The following DERL3 variants were observed in gnomAD, a reference collection of about 807,000 sequenced individuals.
The protein encoded by DERL3 is derlin 3.
A neutral mutation model predicts 23.8 loss-of-function variants in DERL3; 20 were observed. The observed-to-expected ratio is 0.84, with a 90% CI of 0.59 to 1.22. DERL3 has a LOEUF of 1.22. Among genes scored for constraint, DERL3 ranks in the 50% most tolerant of loss-of-function variants. DERL3 has a pLI of 0.00. For synonymous variants in DERL3, 145 were observed against 132.5 expected, an observed-to-expected ratio of 1.09 and a Z score of -0.65; for missense variants, 319 against 304.1, an observed-to-expected ratio of 1.05 and a Z score of -0.36.
At position 23,834,652 on chromosome 22, in the gene DERL3, CCA is replaced by C; in HGVS notation, c.*2215_*2216del. The C allele has an allele frequency of 1.1e-6, 1 of 936,866 alleles. No individual in the cohort carries two copies. Among genetic ancestry groups the C allele is most frequent in the Non-Finnish European group, 1.6e-6 (1 of 625,168 alleles). The allele number at this position is 936,866 out of a possible 1,614,324, so 58.0% of individuals were successfully genotyped here. A position where few individuals can be genotyped will look rare whatever the true frequency, so the allele number is the denominator to read the frequency against. On this transcript the variant is annotated 3_prime_UTR_variant, in exon 7 of 7. Coordinates refer to ENST00000318109, the MANE Select transcript of DERL3 (RefSeq NM_001002862.3). ...CCTCACCCTCCTCTGCCTCAGATTC[CCA>C]AGTGGGCAGGTGGGGGTGAATGGGG...
chr22:23,834,733 G>T lies in DERL3; in HGVS notation c.*2136C>A. The T allele has an allele frequency of 6.8e-7, 1 of 1,470,616 alleles. No homozygotes were observed. Among genetic ancestry groups the T allele is most frequent in the South Asian group, 1.3e-5 (1 of 74,130 alleles). 91.1% of individuals were successfully genotyped at this position (1,470,616 alleles called of 1,614,324 possible). A position where few individuals can be genotyped will look rare whatever the true frequency, so the allele number is the denominator to read the frequency against. ...CTCCCCTCAGCCTGTTCTCCTTCCA[G>T]ACCCAGAGAGCTGAGAAGAGTAGCT... On this transcript the variant is annotated 3_prime_UTR_variant, in exon 7 of 7. Transcript: ENST00000318109.
rs1239596938 is a variant in DERL3 at position 23,838,947 on chromosome 22, G to A, written c.41C>T (p.Pro14Leu). Residue 14 changes from proline (P) to leucine (L), a missense_variant, in exon 1 of 7, where the codon CCG becomes CTG. By Grantham distance (98) the Pro-to-Leu change is moderately conservative. Coordinates refer to ENST00000318109, the MANE Select transcript of DERL3 (RefSeq NM_001002862.3). Reference sequence around the variant, plus strand: ...TGCGGTGTAAGCCCGCGTCACCGCCGGCACCTGCAGGAACTCGGCCGCTAG... The same window carrying A: ...TGCGGTGTAAGCCCGCGTCACCGCCAGCACCTGCAGGAACTCGGCCGCTAG... ...QGLAAEFLQV[P>L]AVTRAYTAAC... is the part of the protein sequence containing the mutation. 1.3e-6 allele frequency: 2 copies of A among 1,584,164 alleles called. No individual in the cohort carries two copies. The highest frequency in any genetic ancestry group is 1.7e-6 in the Non-Finnish European group (2 of 1,165,886).
At position 23,837,726 on chromosome 22, in the gene DERL3, CG is replaced by C; in HGVS notation, c.455del (p.Pro152ArgfsTer54). On this transcript the variant is annotated frameshift_variant, in exon 5 of 7. Coordinates refer to ENST00000318109, the MANE Select transcript of DERL3 (RefSeq NM_001002862.3). LOFTEE classifies it high-confidence loss of function. Reference sequence around the variant, plus strand: ...AGCCCATGAGCGCCCAAGGCAGGAACGGTGCCTGGAAAGTGAGCAGGCCGAA... The same window carrying C: ...AGCCCATGAGCGCCCAAGGCAGGAACGTGCCTGGAAAGTGAGCAGGCCGAA... ...NFFGLLTFQAPFLPWALMGFS... is the reference protein window; with the variant it reads ...NFFGLLTFQAXFLPWALMGFS... 1 of 1,614,012 alleles carries C rather than the reference CG, an allele frequency of 6.2e-7. No individual in the cohort carries two copies. Among genetic ancestry groups the C allele is most frequent in the Non-Finnish European group, 8.5e-7 (1 of 1,180,014 alleles).
At chr22:23,838,191 C>T (rs1039129351) in intron 4 of DERL3, 161 bp downstream of exon 4, 1 of 1,546,814 alleles carries the variant, frequency 6.5e-7, no homozygotes. Flanking sequence ...AAGATCTAGC[C>T]CTGACCCCTG....
intron 5 of DERL3, 121 bp from the exon 6 acceptor site, chr22:23,837,275 C>T (rs1249598310): frequency 3.9e-6 from 5 of 1,297,188 alleles, no homozygotes; most frequent in Non-Finnish European, 5.4e-6. Context: ...GCATGAGTGC[C>T]CCAAAGCCTT....
chr22:23,835,090 C>T lies in DERL3; in HGVS notation c.*1779G>A, dbSNP rs2030935988. The T allele has an allele frequency of 2.9e-6, 4 of 1,398,000 alleles. No homozygotes were observed. The highest frequency in any genetic ancestry group is 3.7e-6 in the Non-Finnish European group (4 of 1,079,234). The allele number at this position is 1,398,000 out of a possible 1,614,324, so 86.6% of individuals were successfully genotyped here. On this transcript the variant is annotated 3_prime_UTR_variant, in exon 7 of 7. Transcript: ENST00000318109. The stretch of plus-strand genomic sequence containing the variant: ...CCTGGGCCAGCTCCTGCCTTACAAG[C>T]CAGCTGTGAGGAATATGGGAATAGC...
chr22:23,835,175 G>T lies in DERL3; in HGVS notation c.*1694C>A, dbSNP rs1282924618. The T allele has an allele frequency of 7.0e-6, 9 of 1,285,612 alleles. No homozygotes were observed. The highest frequency in any genetic ancestry group is 8.8e-6 in the Non-Finnish European group (9 of 1,018,756). The allele number at this position is 1,285,612 out of a possible 1,614,324, so 79.6% of individuals were successfully genotyped here. A position where few individuals can be genotyped will look rare whatever the true frequency, so the allele number is the denominator to read the frequency against. On this transcript the variant is annotated 3_prime_UTR_variant, in exon 7 of 7. Transcript: ENST00000318109. ...CGGTACAGGGAGGAGACACAGCCCA[G>T]GGTCCCTTCCCAGCCCTGCCTCCAA...
In DERL3 at chr22:23,836,203, G is replaced by A. The variant is rs1235021421; in HGVS notation, c.*666C>T. 1 of 985,338 alleles carries A rather than the reference G, an allele frequency of 1.0e-6. No individual in the cohort carries two copies. The highest frequency in any genetic ancestry group is 1.2e-6 in the Non-Finnish European group (1 of 829,940). The allele number at this position is 985,338 out of a possible 1,614,324, so 61.0% of individuals were successfully genotyped here. On this transcript the variant is annotated 3_prime_UTR_variant, in exon 7 of 7. Transcript: ENST00000318109. ...CTAAGGTGAAAACTTAGGCTCTGAGGTCATAGAAAGGGCAGAAGACCTAGT... is the reference window on the plus strand; with the variant it reads ...CTAAGGTGAAAACTTAGGCTCTGAGATCATAGAAAGGGCAGAAGACCTAGT...
Position 23,837,076 on chromosome 22 carries a change from G to C in DERL3, c.602C>G (p.Thr201Ser), listed in dbSNP as rs375769198. The change falls in exon 6 of 7, where the codon ACC becomes AGC. Residue 201 changes from threonine to serine, a missense_variant. By Grantham distance (58) the Thr-to-Ser change is moderately conservative. Transcript: ENST00000318109. ...TCTCAACACTCACAGGAAGCCAGGGGTCTGCAGGAGCCTCTTGCCTCCAGG... is the reference window on the plus strand; with the variant it reads ...TCTCAACACTCACAGGAAGCCAGGGCTCTGCAGGAGCCTCTTGCCTCCAGG... ...NQPGGKRLLQTPGFLKLLLDA... is the reference protein window; with the variant it reads ...NQPGGKRLLQSPGFLKLLLDA... 66 of 1,613,814 alleles carry C rather than the reference G, an allele frequency of 4.1e-5. No homozygotes were observed. Among genetic ancestry groups the C allele is most frequent in the Non-Finnish European group, 5.5e-5 (65 of 1,179,924 alleles).
Position 23,836,010 on chromosome 22 carries a change from C to T in DERL3, c.*859G>A, listed in dbSNP as rs919377255. On this transcript the variant is annotated 3_prime_UTR_variant, in exon 7 of 7. Coordinates refer to ENST00000318109, the MANE Select transcript of DERL3 (RefSeq NM_001002862.3). ...AGGAGGCCCCGTGCCACTGAGCATCCAGAAATAAACCACAACATGGACAGG... is the reference window on the plus strand; with the variant it reads ...AGGAGGCCCCGTGCCACTGAGCATCTAGAAATAAACCACAACATGGACAGG... The T allele has an allele frequency of 9.1e-6, 9 of 985,480 alleles. No homozygotes were observed. The highest frequency in any genetic ancestry group is 9.6e-6 in the Non-Finnish European group (8 of 829,958). The allele number at this position is 985,480 out of a possible 1,614,324, so 61.0% of individuals were successfully genotyped here.
Position 23,836,769 on chromosome 22 carries a change from A to T in DERL3, c.*100T>A. The T allele has an allele frequency of 7.2e-7, 1 of 1,395,370 alleles. No homozygotes were observed. The highest frequency in any genetic ancestry group is 1.8e-5 in the South Asian group (1 of 55,354). The allele number at this position is 1,395,370 out of a possible 1,614,324, so 86.4% of individuals were successfully genotyped here. A position where few individuals can be genotyped will look rare whatever the true frequency, so the allele number is the denominator to read the frequency against. On this transcript the variant is annotated 3_prime_UTR_variant, in exon 7 of 7. Transcript: ENST00000318109. ...TCTGTTTATTCAGGTGGGCCCTTGC[A>T]TGGGCCCAGCCTTTAGGATGGGTTT...
chr22:23,834,743 G>C lies in DERL3; in HGVS notation c.*2126C>G, dbSNP rs747406534. ...CCTGTTCTCCTTCCAGACCCAGAGA[G>C]CTGAGAAGAGTAGCTGTGAGGCTCA... On this transcript the variant is annotated 3_prime_UTR_variant, in exon 7 of 7. Transcript: ENST00000318109. The C allele has an allele frequency of 1.1e-4, 160 of 1,493,558 alleles. No homozygotes were observed. The highest frequency in any genetic ancestry group is 1.5e-4 in the Admixed American group (7 of 46,840). The allele number at this position is 1,493,558 out of a possible 1,614,324, so 92.5% of individuals were successfully genotyped here.
At position 23,836,474 on chromosome 22, in the gene DERL3, G is replaced by T; in HGVS notation, c.*395C>A. 1 of 999,726 alleles carries T rather than the reference G, an allele frequency of 1.0e-6. No homozygotes were observed. The allele number at this position is 999,726 out of a possible 1,614,324, so 61.9% of individuals were successfully genotyped here. A position where few individuals can be genotyped will look rare whatever the true frequency, so the allele number is the denominator to read the frequency against. The stretch of plus-strand genomic sequence containing the variant: ...GACTGGCAGGTAGCAGAGGCCTATG[G>T]TGGGCAGGACTTGCCCAAGGCCCTG... On this transcript the variant is annotated 3_prime_UTR_variant, in exon 7 of 7. Coordinates refer to ENST00000318109, the MANE Select transcript of DERL3 (RefSeq NM_001002862.3).
In DERL3 at chr22:23,836,067, A is replaced by G; in HGVS notation, c.*802T>C. The G allele has an allele frequency of 1.0e-6, 1 of 985,516 alleles. No homozygotes were observed. 61.0% of individuals were successfully genotyped at this position (985,516 alleles called of 1,614,324 possible). On this transcript the variant is annotated 3_prime_UTR_variant, in exon 7 of 7. Coordinates refer to ENST00000318109, the MANE Select transcript of DERL3 (RefSeq NM_001002862.3). Reference sequence around the variant, plus strand: ...ACAACAAGGAAAGCTGCCAGGTCAGAAGAGAAAAATGAGCCACAGGGGTCG... The same window carrying G: ...ACAACAAGGAAAGCTGCCAGGTCAGGAGAGAAAAATGAGCCACAGGGGTCG...
rs147866153 is a variant in DERL3 at position 23,835,543 on chromosome 22, C to T, written c.*1326G>A. The T allele has an allele frequency of 1.2e-3, 1,209 of 985,496 alleles. 9 individuals are homozygous for T. In the African/African-American group the frequency reaches 0.018, roughly 15 times the overall value. 61.0% of individuals were successfully genotyped at this position (985,496 alleles called of 1,614,324 possible). On this transcript the variant is annotated 3_prime_UTR_variant, in exon 7 of 7. Coordinates refer to ENST00000318109, the MANE Select transcript of DERL3 (RefSeq NM_001002862.3). Reference sequence around the variant, plus strand: ...TTTGAGCACATGTTAGCATGGGACTCTTCCCAGGGAGTTTGCACTCAGGGC... The same window carrying T: ...TTTGAGCACATGTTAGCATGGGACTTTTCCCAGGGAGTTTGCACTCAGGGC...
At chr22:23,837,635 G>A (rs1317563015) in intron 5 of DERL3, 24 bp downstream of exon 5, 5 of 1,606,204 alleles carry the variant, frequency 3.1e-6, no homozygotes, top group Non-Finnish European at 3.4e-6. Context: ...GCCTGGGGCG[G>A]ACTAGATGTA....
chr22:23,837,554 TGAG>T (rs916471327), intron 5 of DERL3, 102 bp downstream of exon 5: 31 of 1,196,108 alleles, frequency 2.6e-5, no homozygotes, highest in East Asian at 1.8e-4. Flanking sequence ...GAGCCAGGTG[TGAG>T]GAGAACTCCA....
At chr22:23,836,999 C>G (rs372554198) in intron 6 of DERL3, 37 bp from the exon 7 acceptor site, 264 of 1,611,278 alleles carry the variant, frequency 1.6e-4, no homozygotes, top group Non-Finnish European at 2.2e-4. Context: ...CAGGCCAGCA[C>G]AGGTCCCCAT....
Position 23,838,622 on chromosome 22 carries a change from TGAC to T in DERL3, c.172_174del (p.Val58del). On this transcript the variant is annotated inframe_deletion, in exon 3 of 7. Coordinates refer to ENST00000318109, the MANE Select transcript of DERL3 (RefSeq NM_001002862.3). Reference sequence around the variant, plus strand: ...AGGGGCCCGAAGAAGAGGAAGTTGGTGACGAGCCTCCAGACCTACGGGGGACGG... The same window carrying T: ...AGGGGCCCGAAGAAGAGGAAGTTGGTGAGCCTCCAGACCTACGGGGGACGG... 3 of 1,444,524 alleles carry T rather than the reference TGAC, an allele frequency of 2.1e-6. No homozygotes were observed. The highest frequency in any genetic ancestry group is 2.8e-6 in the Non-Finnish European group (3 of 1,088,848). 89.5% of individuals were successfully genotyped at this position (1,444,524 alleles called of 1,614,324 possible). A position where few individuals can be genotyped will look rare whatever the true frequency, so the allele number is the denominator to read the frequency against.
Sources: gnomAD v4.1 joint callset for allele counts on GRCh38, gnomAD v4.1.1 for gene constraint, MANE v1.5 for transcripts, NCBI Gene and HGNC (gene_info 2026-07-23, HGNC 2026-07-21) for gene names.